The following GALNT13 variants were observed in gnomAD, a reference collection of about 807,000 sequenced individuals.
GALNT13 encodes the protein UDP-GalNAc:polypeptide N-acetylgalactosaminyltransferase 13.
In GALNT13, 28 loss-of-function variants were observed where a neutral mutation model predicts 64.2. The observed-to-expected ratio is 0.44, with a 90% CI of 0.32 to 0.60. The LOEUF (loss-of-function observed/expected upper bound fraction) is 0.60, where lower values mean the gene tolerates loss of function less well. GALNT13 is among the 20% of genes least tolerant of loss of function. The pLI is 0.05. For missense variants in GALNT13, 577 were observed against 669.8 expected, an observed-to-expected ratio of 0.86 and a Z score of 1.53; for synonymous variants, 214 against 224.6, an observed-to-expected ratio of 0.95 and a Z score of 0.42.
At chr2:154,268,039 C>T (rs745413659) in intron 8 of GALNT13, among the ~76,000 whole-genome samples, 2 of 152,164 alleles carry the variant, frequency 1.3e-5, no homozygotes, top group Non-Finnish European at 1.5e-5. Context: ...TACAATGGTA[C>T]ACTAAACTCC....
the GALNT13 span, among the ~76,000 whole-genome samples, chr2:153,222,063 C>A: frequency 6.6e-6 from 1 of 151,970 alleles, no homozygotes; most frequent in Non-Finnish European, 1.5e-5. Flanking sequence ...TTCAGTCCAG[C>A]CATTCAGCAA....
chr2:153,847,063 T>C, the GALNT13 span, among the ~76,000 whole-genome samples: 3 of 151,834 alleles, frequency 2.0e-5, no homozygotes, highest in Admixed American at 6.6e-5. Context: ...GTATTCCCTA[T>C]AAAAACTAAT....
intron 12 of GALNT13, among the ~76,000 whole-genome samples, chr2:154,447,814 T>G (rs1482554611): frequency 1.3e-5 from 2 of 152,058 alleles, no homozygotes; most frequent in East Asian, 3.9e-4. Flanking sequence ...AGAGAACTTA[T>G]GTACAGAGCA....
chr2:153,241,413 T>G, the GALNT13 span, among the ~76,000 whole-genome samples: 1 of 152,332 alleles, frequency 6.6e-6, no homozygotes, highest in East Asian at 1.9e-4. Flanking sequence ...AATGCTAATT[T>G]TGTTCCCCAT....
At chr2:153,516,008 A>G in the GALNT13 span, among the ~76,000 whole-genome samples, 1 of 152,304 alleles carries the variant, frequency 6.6e-6, no homozygotes, top group Non-Finnish European at 1.5e-5. Flanking sequence ...CATTCTGCCT[A>G]TTGCATACAA....
chr2:153,633,267 T>G, the GALNT13 span, among the ~76,000 whole-genome samples: 1 of 152,158 alleles, frequency 6.6e-6, no homozygotes, highest in East Asian at 1.9e-4. Context: ...GTTGTATTTG[T>G]GTGCAGTTCA....
the GALNT13 span, among the ~76,000 whole-genome samples, chr2:153,474,020 G>T: frequency 6.6e-6 from 1 of 152,178 alleles, no homozygotes; most frequent in African/African-American, 2.4e-5. Flanking sequence ...AATCGATCAG[G>T]TTAAAAACTG....
the GALNT13 span, among the ~76,000 whole-genome samples, chr2:153,311,112 A>G: frequency 7.9e-5 from 12 of 152,238 alleles, no homozygotes; most frequent in Non-Finnish European, 1.8e-4. Flanking sequence ...TTATGACAGA[A>G]TACAAATTTT....
chr2:153,122,209 T>C, the GALNT13 span, among the ~76,000 whole-genome samples: 3 of 152,064 alleles, frequency 2.0e-5, no homozygotes, highest in East Asian at 5.8e-4. Context: ...TATTGTTTAC[T>C]GTAGCACCCC....
At chr2:153,699,630 A>G in the GALNT13 span, among the ~76,000 whole-genome samples, 1 of 152,194 alleles carries the variant, frequency 6.6e-6, no homozygotes, top group Admixed American at 6.5e-5. Context: ...GAAGAATCAA[A>G]TAGACACAAT....
chr2:154,092,442 G>C, intron 3 of GALNT13, among the ~76,000 whole-genome samples: 1 of 151,878 alleles, frequency 6.6e-6, no homozygotes, highest in Non-Finnish European at 1.5e-5. Context: ...TTATAATATG[G>C]ATCTTTTGGA....
At chr2:153,777,518 G>A in the GALNT13 span, among the ~76,000 whole-genome samples, 1 of 152,190 alleles carries the variant, frequency 6.6e-6, no homozygotes, top group Admixed American at 6.5e-5. Context: ...GCAGAAAAGA[G>A]GCAGCTAGGG....
At chr2:153,146,243 G>A in the GALNT13 span, among the ~76,000 whole-genome samples, 2 of 151,142 alleles carry the variant, frequency 1.3e-5, no homozygotes, top group Admixed American at 1.3e-4. Flanking sequence ...TCAGATCCTG[G>A]GACCCAAGCC....
the GALNT13 span, among the ~76,000 whole-genome samples, chr2:153,706,104 C>A: frequency 6.6e-6 from 1 of 152,050 alleles, no homozygotes; most frequent in African/African-American, 2.4e-5. Flanking sequence ...TCAAGCAATT[C>A]TCCTGCCTCA....
chr2:153,453,164 C>A, the GALNT13 span, among the ~76,000 whole-genome samples: 3 of 152,022 alleles, frequency 2.0e-5, no homozygotes. Context: ...CTACAAGAAT[C>A]CCAGAAAAAA....
At chr2:154,378,868 G>T (rs1698127313) in intron 9 of GALNT13, among the ~76,000 whole-genome samples, 1 of 152,064 alleles carries the variant, frequency 6.6e-6, no homozygotes. Context: ...TTCCTTGAAT[G>T]AACAATTGAT....
intron 3 of GALNT13, among the ~76,000 whole-genome samples, chr2:154,023,498 G>C (rs1029588724): frequency 1.4e-4 from 21 of 152,080 alleles, no homozygotes; most frequent in African/African-American, 4.1e-4. Context: ...TCTGTTTTAT[G>C]AGAGACTAGG....
intron 10 of GALNT13, among the ~76,000 whole-genome samples, chr2:154,406,850 A>G (rs1370331098): frequency 6.6e-6 from 1 of 152,162 alleles, no homozygotes; most frequent in East Asian, 1.9e-4. Flanking sequence ...TGAGATATAC[A>G]TTTTCCTGAT....
the GALNT13 span, among the ~76,000 whole-genome samples, chr2:153,196,003 T>C: frequency 6.6e-6 from 1 of 152,164 alleles, no homozygotes; most frequent in African/African-American, 2.4e-5. Flanking sequence ...TGCAGCTGGC[T>C]ATCCTGTCAT....
Sources: allele counts gnomAD v4.1 joint callset (sites outside exome capture counted in the v4.1 genomes callset), GRCh38; gene constraint gnomAD v4.1.1; transcripts MANE v1.5; gene names NCBI Gene and HGNC (gene_info 2026-07-23, HGNC 2026-07-21).